The following WWP1 variants were observed in gnomAD, a reference collection of about 807,000 sequenced individuals.
WWP1 encodes the protein WW domain containing E3 ubiquitin protein ligase 1.
A neutral mutation model predicts 130.6 loss-of-function variants in WWP1; 49 were observed. The observed-to-expected ratio is 0.38, with a 90% CI of 0.30 to 0.48. The LOEUF is 0.48. Ranked by LOEUF, WWP1 falls within the 20% of genes least tolerant of loss-of-function variation. WWP1 has a pLI of 0.99. For missense variants in WWP1, 809 were observed against 1,100.6 expected (o/e 0.74, Z 3.75); for synonymous variants, 332 against 367.8 (o/e 0.90, Z 1.11).
chr8:86,416,198 A>G (rs939489588), intron 9 of WWP1, among the ~76,000 whole-genome samples: 14 of 152,226 alleles, frequency 9.2e-5, no homozygotes, highest in African/African-American at 2.7e-4. Context: ...TTGGGAGTGA[A>G]TGAGAGGGGA....
intron 9 of WWP1, among the ~76,000 whole-genome samples, chr8:86,424,611 C>A (rs1049419802): frequency 6.6e-6 from 1 of 151,686 alleles, no homozygotes; most frequent in Non-Finnish European, 1.5e-5. Flanking sequence ...GAGACCAGCC[C>A]GGCCAACACA....
rs1281255100 is a variant in WWP1 at position 86,378,088 on chromosome 8, TA to T, written c.71-2631del. On this transcript the variant is annotated intron_variant, in intron 3 of 24. Transcript: ENST00000517970. ...ATTATTTTCACTTTATGGTACTTTT[TA>T]AAAAAATATTTTGAGAAATTTCCTT... 3.9e-5 allele frequency among the ~76,000 whole-genome samples: 6 copies of T among 152,130 alleles called. No homozygotes were observed. In the South Asian group the frequency reaches 6.2e-4, roughly 16 times the overall value.
At chr8:86,466,723 T>C in intron 24 of WWP1, 71 bp from the exon 25 acceptor site, 2 of 1,086,814 alleles carry the variant, frequency 1.8e-6, no homozygotes, top group Non-Finnish European at 2.7e-6. Flanking sequence ...TTCTATGTGC[T>C]TTGAAAAGTA....
intron 9 of WWP1, chr8:86,417,390 A>T (rs570456933): frequency 6.6e-6 from 1 of 152,288 alleles, no homozygotes. Context: ...TGCATTATAG[A>T]TCTAATAAAG....
intron 10 of WWP1, among the ~76,000 whole-genome samples, chr8:86,425,554 TGTCA>T (rs1464498795): frequency 6.6e-6 from 1 of 152,168 alleles, no homozygotes; most frequent in Non-Finnish European, 1.5e-5. Context: ...TTTGGTCAGT[TGTCA>T]GTCCTTCTTT....
chr8:86,431,873 T>C, intron 14 of WWP1, 130 bp downstream of exon 14: 1 of 1,135,192 alleles, frequency 8.8e-7, no homozygotes, highest in African/African-American at 1.6e-5. Flanking sequence ...AAGTGAAACC[T>C]TAGTATAGCT....
intron 22 of WWP1, among the ~76,000 whole-genome samples, chr8:86,458,640 AT>A (rs1811584811): frequency 6.6e-6 from 1 of 152,168 alleles, no homozygotes; most frequent in Admixed American, 6.5e-5. Context: ...TACTCTACTA[AT>A]TGGGACTCTT....
intron 5 of WWP1, among the ~76,000 whole-genome samples, chr8:86,390,287 C>T (rs576071722): frequency 6.6e-6 from 1 of 151,882 alleles, no homozygotes; most frequent in African/African-American, 2.4e-5. Flanking sequence ...ACTTCCCAGA[C>T]GGGGTGGCGG....
Position 86,435,685 on chromosome 8 carries a change from T to C in WWP1, c.1730T>C (p.Phe577Ser). Residue 577 changes from phenylalanine (F) to serine (S), a missense_variant, in exon 16 of 25, where the codon TTT (phenylalanine) becomes TCT (serine). Transcript: ENST00000517970. ...ATCAATGTGTCCCGGCAGACATTGT[T>C]TGAAGATTCCTTCCAACAGGTAAGG... Reference protein sequence around the residue: ...VKINVSRQTLFEDSFQQIMAL... With the variant: ...VKINVSRQTLSEDSFQQIMAL... The C allele has an allele frequency of 6.2e-7, 1 of 1,612,322 alleles. No individual in the cohort carries two copies. The highest frequency in any genetic ancestry group is 8.5e-7 in the Non-Finnish European group (1 of 1,179,722).
intron 5 of WWP1, among the ~76,000 whole-genome samples, chr8:86,382,624 G>A (rs1020512910): frequency 1.3e-5 from 2 of 152,160 alleles, no homozygotes; most frequent in Admixed American, 1.3e-4. Flanking sequence ...GCTTGAACCC[G>A]GGAGGTGGAG....
intron 5 of WWP1, among the ~76,000 whole-genome samples, chr8:86,393,201 T>C (rs2130451930): frequency 6.6e-6 from 1 of 152,246 alleles, no homozygotes; most frequent in African/African-American, 2.4e-5. Context: ...TTTTATTTTT[T>C]AATTTGTATT....
chr8:86,398,669 A>G, intron 7 of WWP1, 31 bp downstream of exon 7: 11 of 1,603,088 alleles, frequency 6.9e-6, no homozygotes, highest in Non-Finnish European at 9.4e-6. Flanking sequence ...ATGGGTGGCG[A>G]CATGATGTGG....
chr8:86,445,423 C>T (rs187070904), intron 18 of WWP1, among the ~76,000 whole-genome samples: 1 of 152,266 alleles, frequency 6.6e-6, no homozygotes, highest in East Asian at 1.9e-4. Context: ...TGAGCTCCCA[C>T]CTGTACGTAA....
chr8:86,349,379 T>G (rs1429659197), intron 1 of WWP1, among the ~76,000 whole-genome samples: 4 of 152,214 alleles, frequency 2.6e-5, no homozygotes, highest in African/African-American at 9.7e-5. Flanking sequence ...TCTGCCTTAT[T>G]ATACTGGTTA....
At chr8:86,366,106 C>T (rs545140634) in intron 1 of WWP1, among the ~76,000 whole-genome samples, 7 of 152,152 alleles carry the variant, frequency 4.6e-5, no homozygotes, top group South Asian at 2.1e-4. Flanking sequence ...GAAGGGATGC[C>T]GGAGAGTGCT....
chr8:86,395,382 A>T (rs756477829), intron 5 of WWP1, among the ~76,000 whole-genome samples: 7 of 145,720 alleles, frequency 4.8e-5, no homozygotes, highest in Non-Finnish European at 1.1e-4. Context: ...TTTATGAAAA[A>T]TAGGTAATGG....
Position 86,431,508 on chromosome 8 carries a change from C to T in WWP1, c.1472+18C>T, listed in dbSNP as rs537928175. ...ACTCAAGGGTATGTATATACAGCAGCCTTAAGTCGTCTTGCATATATCAGT... is the reference window on the plus strand; with the variant it reads ...ACTCAAGGGTATGTATATACAGCAGTCTTAAGTCGTCTTGCATATATCAGT... On this transcript the variant is annotated intron_variant, in intron 13 of 24. Transcript: ENST00000517970. The T allele has an allele frequency of 6.2e-7, 1 of 1,611,714 alleles. No homozygotes were observed. Among genetic ancestry groups the T allele is most frequent in the Admixed American group, 1.7e-5 (1 of 59,754 alleles).
At chr8:86,411,944 T>G (rs1439250908) in intron 9 of WWP1, 70 bp downstream of exon 9, 1 of 1,370,368 alleles carries the variant, frequency 7.3e-7, no homozygotes, top group Non-Finnish European at 1.0e-6. Flanking sequence ...TTATTGAATG[T>G]GTGCATAAAA....
At chr8:86,345,387 C>G (rs1198373086) in intron 1 of WWP1, among the ~76,000 whole-genome samples, 3 of 152,098 alleles carry the variant, frequency 2.0e-5, no homozygotes, top group Non-Finnish European at 1.5e-5. Context: ...ATCCATGACA[C>G]TCATCTCAGA....
Sources: allele counts gnomAD v4.1 joint callset (sites outside exome capture counted in the v4.1 genomes callset), GRCh38; gene constraint gnomAD v4.1.1; transcripts MANE v1.5; gene names NCBI Gene and HGNC (gene_info 2026-07-23, HGNC 2026-07-21).